The following TMEM132D variants were observed in gnomAD, a reference collection of about 807,000 sequenced individuals.
TMEM132D encodes the protein mature OL transmembrane protein.
TMEM132D carries 21 observed loss-of-function variants against 62.3 expected under a neutral mutation model. The observed-to-expected ratio is 0.34, with a 90% CI of 0.24 to 0.49. TMEM132D has a LOEUF of 0.49. Among genes scored for constraint, TMEM132D ranks in the 20% least tolerant of loss-of-function variants. The pLI, the probability that TMEM132D is intolerant of heterozygous loss-of-function variation, is 0.99. For missense variants in TMEM132D, 1,346 were observed against 1,402.8 expected, an observed-to-expected ratio of 0.96 and a Z score of 0.65; for synonymous variants, 621 against 575.6, an observed-to-expected ratio of 1.08 and a Z score of -1.13.
chr12:129,227,319 A>ATATC (rs1879508487), intron 4 of TMEM132D, among the ~76,000 whole-genome samples: 2 of 140,006 alleles, frequency 1.4e-5, no homozygotes, highest in Middle Eastern at 7.6e-3. Flanking sequence ...ATATATATAT[A>ATATC]TATATATGGC....
At chr12:129,622,320 C>T (rs1365421149) in intron 2 of TMEM132D, among the ~76,000 whole-genome samples, 1 of 152,136 alleles carries the variant, frequency 6.6e-6, no homozygotes, top group Non-Finnish European at 1.5e-5. Context: ...TAATCGGCAC[C>T]GACAGTGGGC....
intron 1 of TMEM132D, among the ~76,000 whole-genome samples, chr12:129,845,632 T>C (rs1038141764): frequency 1.3e-5 from 2 of 152,230 alleles, no homozygotes; most frequent in Admixed American, 1.3e-4. Flanking sequence ...TAACCCAAAT[T>C]AAAGTGATTC....
chr12:129,321,777 T>A (rs939514962), intron 4 of TMEM132D, among the ~76,000 whole-genome samples: 3 of 152,152 alleles, frequency 2.0e-5, no homozygotes, highest in African/African-American at 7.2e-5. Flanking sequence ...GCCAGGGTGG[T>A]CTCGATCTCC....
chr12:129,691,969 C>G (rs745760676), intron 2 of TMEM132D, among the ~76,000 whole-genome samples: 2 of 151,782 alleles, frequency 1.3e-5, no homozygotes, highest in Non-Finnish European at 2.9e-5. Flanking sequence ...TATTAACTCC[C>G]CCAAAAATGA....
intron 3 of TMEM132D, among the ~76,000 whole-genome samples, chr12:129,416,920 T>C (rs2135708716): frequency 6.6e-6 from 1 of 152,340 alleles, no homozygotes; most frequent in East Asian, 1.9e-4. Flanking sequence ...ATAAGCTGTT[T>C]GATGTGCTGC....
intron 5 of TMEM132D, among the ~76,000 whole-genome samples, chr12:129,120,730 T>G (rs1026690202): frequency 1.3e-5 from 2 of 152,194 alleles, no homozygotes; most frequent in African/African-American, 2.4e-5. Context: ...GCATGATTGT[T>G]ACATAAATTG....
intron 4 of TMEM132D, among the ~76,000 whole-genome samples, chr12:129,221,132 T>C (rs777934165): frequency 4.6e-5 from 7 of 152,216 alleles, no homozygotes; most frequent in Non-Finnish European, 1.0e-4. Context: ...GTCAATGTTG[T>C]TTGTTACTTG....
chr12:129,124,626 C>T (rs1876159034), intron 5 of TMEM132D, among the ~76,000 whole-genome samples: 1 of 152,190 alleles, frequency 6.6e-6, no homozygotes. Flanking sequence ...TGAGATGTAT[C>T]CAGGCTCTTG....
rs894833142 is a variant in TMEM132D at position 129,518,818 on chromosome 12, A to G, written c.1115+12241T>C. Among the ~76,000 whole-genome samples, 55 of 152,244 alleles carry G rather than the reference A, an allele frequency of 3.6e-4. 1 individual carries two copies. Among genetic ancestry groups the G allele is most frequent in the African/African-American group, 1.2e-3 (49 of 41,562 alleles). On this transcript the variant is annotated intron_variant, in intron 3 of 8. Transcript: ENST00000422113. Reference sequence around the variant, plus strand: ...CTTAAGGATTCTAATTTTTTCTATTATCAATAACAATGTGAACACCGTGCT... The same window carrying G: ...CTTAAGGATTCTAATTTTTTCTATTGTCAATAACAATGTGAACACCGTGCT...
intron 2 of TMEM132D, among the ~76,000 whole-genome samples, chr12:129,623,637 G>A (rs1879129153): frequency 6.7e-6 from 1 of 148,566 alleles, no homozygotes. Flanking sequence ...TCCATGGTGT[G>A]TGTGTGTATG....
intron 5 of TMEM132D, among the ~76,000 whole-genome samples, chr12:129,090,055 A>G (rs1427731831): frequency 2.0e-5 from 3 of 152,218 alleles, no homozygotes; most frequent in Non-Finnish European, 2.9e-5. Flanking sequence ...CACCTTCACG[A>G]TGAGGCAGTC....
chr12:129,273,821 GA>G (rs1475240918), intron 4 of TMEM132D, among the ~76,000 whole-genome samples: 1 of 151,414 alleles, frequency 6.6e-6, no homozygotes, highest in African/African-American at 2.4e-5. Flanking sequence ...TCACTTCCTT[GA>G]TGATGGGATC....
At position 129,618,177 on chromosome 12, in the gene TMEM132D, G is replaced by A. The variant is rs371618365; in HGVS notation, c.968+81633C>T. 1.5e-4 allele frequency among the ~76,000 whole-genome samples: 23 copies of A among 152,338 alleles called. No individual in the cohort carries two copies. The East Asian group carries it at 2.7e-3, about 18-fold the overall frequency. On this transcript the variant is annotated intron_variant, in intron 2 of 8. Coordinates refer to ENST00000422113, the MANE Select transcript of TMEM132D (RefSeq NM_133448.3). ...ATGAATATAAATGTTACAGATGCGA[G>A]GGTCCTATTCCAGTAAGTTTTTAAA...
intron 1 of TMEM132D, among the ~76,000 whole-genome samples, chr12:129,726,154 T>C (rs1869028718): frequency 6.6e-6 from 1 of 152,192 alleles, no homozygotes; most frequent in Non-Finnish European, 1.5e-5. Flanking sequence ...AAGAGACTCT[T>C]GGGAGCTTGG....
intron 3 of TMEM132D, among the ~76,000 whole-genome samples, chr12:129,490,417 CCTTTCCTTT>C (rs1874733462): frequency 8.9e-6 from 1 of 111,992 alleles, no homozygotes; most frequent in African/African-American, 4.6e-5. Flanking sequence ...ATCATAATTT[CCTTTCCTTT>C]TTTTTTTTTT....
At chr12:129,186,737 G>A (rs1878232858) in intron 5 of TMEM132D, among the ~76,000 whole-genome samples, 1 of 152,166 alleles carries the variant, frequency 6.6e-6, no homozygotes, top group East Asian at 1.9e-4. Context: ...ACAGTGCCAG[G>A]ATCAGAACAA....
intron 3 of TMEM132D, among the ~76,000 whole-genome samples, chr12:129,378,432 C>T (rs1340826111): frequency 6.6e-6 from 1 of 152,232 alleles, no homozygotes; most frequent in Non-Finnish European, 1.5e-5. Flanking sequence ...TTCTGAAATG[C>T]AGACACTTTT....
intron 2 of TMEM132D, among the ~76,000 whole-genome samples, chr12:129,680,995 A>G (rs965485164): frequency 6.6e-6 from 1 of 152,312 alleles, no homozygotes; most frequent in African/African-American, 2.4e-5. Context: ...CCAACCCACA[A>G]GTTTCCTATC....
intron 2 of TMEM132D, among the ~76,000 whole-genome samples, chr12:129,539,089 G>A (rs1876507330): frequency 6.6e-6 from 1 of 152,168 alleles, no homozygotes; most frequent in South Asian, 2.1e-4. Context: ...GGTGACAAGG[G>A]GGCAGGTGTC....
Sources: gnomAD v4.1 joint callset for allele counts (sites outside exome capture counted in the v4.1 genomes callset) on GRCh38, gnomAD v4.1.1 for gene constraint, MANE v1.5 for transcripts, NCBI Gene and HGNC (gene_info 2026-07-23, HGNC 2026-07-21) for gene names.